The following PRRG2 variants were observed in gnomAD, a reference collection of about 807,000 sequenced individuals.
The protein encoded by PRRG2 is transmembrane gamma-carboxyglutamic acid protein 2.
PRRG2 carries 23 observed loss-of-function variants against 27.1 expected under a neutral mutation model. That is an observed-to-expected ratio of 0.85 (90% CI 0.61 to 1.20). The LOEUF (loss-of-function observed/expected upper bound fraction) is 1.20, where lower values mean the gene tolerates loss of function less well. PRRG2 is among the 50% of genes most tolerant of loss of function. The pLI is 0.00. For missense variants in PRRG2, 276 were observed against 254.8 expected (o/e 1.08, Z -0.57); for synonymous variants, 104 against 103.4 (o/e 1.01, Z -0.03).
chr19:49,590,334 A>C, intron 6 of PRRG2, 37 bp from the exon 7 acceptor site: 1 of 1,614,028 alleles, frequency 6.2e-7, no homozygotes, highest in African/African-American at 1.3e-5. Flanking sequence ...AAAAACAGCC[A>C]GATCTTTGAC....
chr19:49,582,472 G>A (rs1716479310), intron 1 of PRRG2, among the ~76,000 whole-genome samples: 1 of 151,690 alleles, frequency 6.6e-6, no homozygotes, highest in Non-Finnish European at 1.5e-5. Context: ...AAAGTAAAAT[G>A]AGTTGAGGCC....
At chr19:49,588,848 C>T (rs552615538) in intron 5 of PRRG2, among the ~76,000 whole-genome samples, 3 of 152,262 alleles carry the variant, frequency 2.0e-5, no homozygotes, top group African/African-American at 4.8e-5. Flanking sequence ...GCAGTAGGAG[C>T]TCTGACCACT....
chr19:49,587,523 T>C (rs2080680436), intron 4 of PRRG2, among the ~76,000 whole-genome samples: 1 of 150,492 alleles, frequency 6.6e-6, no homozygotes, highest in Non-Finnish European at 1.5e-5. Flanking sequence ...TTCACTCTTG[T>C]TGCCCAGGCT....
rs140158228 is a variant in PRRG2 at position 49,584,947 on chromosome 19, C to T, written c.301+995C>T. On this transcript the variant is annotated intron_variant, in intron 4 of 6. Coordinates refer to ENST00000246794, the MANE Select transcript of PRRG2 (RefSeq NM_000951.3). ...GCTTGATTGCTGGGGACACAGCCCT[C>T]TAGCAACACGACCAAGGGAGGAAGC... 9.0e-3 allele frequency among the ~76,000 whole-genome samples: 1,376 copies of T among 152,278 alleles called. 19 individuals carry two copies. Among genetic ancestry groups the T allele is most frequent in the African/African-American group, 0.032 (1,318 of 41,566 alleles).
At position 49,584,006 on chromosome 19, in the gene PRRG2, C is replaced by T. The variant is rs943158715; in HGVS notation, c.301+54C>T. 6.0e-5 allele frequency: 92 copies of T among 1,538,802 alleles called. No homozygotes were observed. The South Asian group carries it at 1.1e-3, about 18-fold the overall frequency. ...CTGTGCAGCTAAGGTAGTCCCTTCC[C>T]AGCGAGGCCAAACCAACGTCCTCCA... On this transcript the variant is annotated intron_variant, in intron 4 of 6. Transcript: ENST00000246794.
chr19:49,583,851 G>A (rs2080648086), intron 3 of PRRG2, 62 bp from the exon 4 acceptor site: 1 of 1,605,374 alleles, frequency 6.2e-7, no homozygotes, highest in East Asian at 2.2e-5. Flanking sequence ...TAGTTTGGGG[G>A]TGTGAACCTC....
At chr19:49,586,656 T>C (rs548682661) in intron 4 of PRRG2, among the ~76,000 whole-genome samples, 44 of 152,144 alleles carry the variant, frequency 2.9e-4, no homozygotes, top group African/African-American at 8.7e-4. Context: ...ATCGAGATCA[T>C]CCTGGCCAAC....
rs768237460 is a variant in PRRG2 at position 49,590,403 on chromosome 19, AG to A, written c.*15del. On this transcript the variant is annotated 3_prime_UTR_variant, in exon 7 of 7. Transcript: ENST00000246794. ...AGGCCTCACTGAAGAGCTGCTTTCG[AG>A]ACCCGGCTCTCCGAACCGTGCCCCT... 1 of 1,614,070 alleles carries A rather than the reference AG, an allele frequency of 6.2e-7. No homozygotes were observed. The highest frequency in any genetic ancestry group is 1.7e-5 in the Admixed American group (1 of 60,000).
At position 49,588,504 on chromosome 19, in the gene PRRG2, A is replaced by G. The variant is rs1193593596; in HGVS notation, c.309A>G (p.Gly103=). Residue 103 remains glycine (G), a synonymous_variant, in exon 5 of 7, where the codon GGA becomes GGG. Coordinates refer to ENST00000246794, the MANE Select transcript of PRRG2 (RefSeq NM_000951.3). ...SYIYNGKGGR[G]RVDVASLAVG... is the part of the protein sequence containing the mutation. ...TTCCCTACTTTCCTGCAGGGCGTGG[A>G]CGAGTGGATGTGGCCAGCCTGGCTG... 6.3e-7 allele frequency: 1 copy of G among 1,591,262 alleles called. No individual in the cohort carries two copies. The highest frequency in any genetic ancestry group is 1.8e-5 in the Admixed American group (1 of 56,674).
rs1417312035 is a variant in PRRG2 at position 49,590,987 on chromosome 19, TAATGA to T, written c.*605_*609del. ...AAAGCAGAAATAATGCAAAAAATAA[TAATGA>T]AATGAACTGCGATCCCGGGCGCATC... is the stretch of plus-strand genomic sequence containing the variant. On this transcript the variant is annotated 3_prime_UTR_variant, in exon 7 of 7. Transcript: ENST00000246794. The T allele has an allele frequency of 1.3e-5, 2 of 152,588 alleles. No homozygotes were observed. The highest frequency in any genetic ancestry group is 1.9e-4 in the South Asian group (1 of 5,246). The allele number at this position is 152,588 out of a possible 1,614,324, so 9.5% of individuals were successfully genotyped here.
chr19:49,584,015 C>G, intron 4 of PRRG2, 63 bp downstream of exon 4: 1 of 1,489,662 alleles, frequency 6.7e-7, no homozygotes, highest in Non-Finnish European at 9.1e-7. Context: ...CCAGCGAGGC[C>G]AAACCAACGT....
At chr19:49,587,281 T>C (rs1306305384) in intron 4 of PRRG2, among the ~76,000 whole-genome samples, 1 of 149,874 alleles carries the variant, frequency 6.7e-6, no homozygotes, top group South Asian at 2.1e-4. Flanking sequence ...CTAGCTACAA[T>C]GAATAATTTT....
chr19:49,583,758 TCTC>T (rs2080647389), intron 3 of PRRG2, 41 bp downstream of exon 3: 1 of 1,611,944 alleles, frequency 6.2e-7, no homozygotes, highest in Non-Finnish European at 8.5e-7. Context: ...CCCTCTCTCT[TCTC>T]TATACCTGTG....
rs1054075702 is a variant in PRRG2, at chr19:49,590,681, T to C, written c.*292T>C. On this transcript the variant is annotated 3_prime_UTR_variant, in exon 7 of 7. Transcript: ENST00000246794. ...GTGGTAGGCAGACGCGCGGGGAAAT[T>C]CGGACCCAGGAGCCCAGCCCCGGCT... 11 of 504,226 alleles carry C rather than the reference T, an allele frequency of 2.2e-5. No homozygotes were observed. The highest frequency in any genetic ancestry group is 1.9e-4 in the African/African-American group (10 of 51,352). 31.2% of individuals were successfully genotyped at this position (504,226 alleles called of 1,614,324 possible).
At position 49,590,043 on chromosome 19, in the gene PRRG2, C is replaced by G. The variant is rs372675632; in HGVS notation, c.581C>G (p.Pro194Arg). The G allele has an allele frequency of 6.1e-4, 935 of 1,521,388 alleles. 7 individuals carry two copies. The highest frequency in any genetic ancestry group is 6.1e-3 in the Middle Eastern group (26 of 4,278). 94.2% of individuals were successfully genotyped at this position (1,521,388 alleles called of 1,614,324 possible). A position where few individuals can be genotyped will look rare whatever the true frequency, so the allele number is the denominator to read the frequency against. ...GGGGTACACGACGCACCTCCACCCC[C>G]CTACACCAGGTATGGGGCGTGGCTT... ...ASGVHDAPPP[P>R]YTSLRRPH Residue 194 changes from proline to arginine, a missense_variant, in exon 6 of 7, where the codon CCC becomes CGC. Coordinates refer to ENST00000246794, the MANE Select transcript of PRRG2 (RefSeq NM_000951.3).
chr19:49,588,372 C>T (rs2080687840), intron 4 of PRRG2, 125 bp from the exon 5 acceptor site: 1 of 1,351,870 alleles, frequency 7.4e-7, no homozygotes. Flanking sequence ...GGTCACAGGG[C>T]TAGGAAGGGA....
intron 1 of PRRG2, among the ~76,000 whole-genome samples, chr19:49,583,002 G>A (rs1457485737): frequency 6.6e-6 from 1 of 151,798 alleles, no homozygotes; most frequent in African/African-American, 2.4e-5. Context: ...CTGCACTCCA[G>A]CCTGGCTGAC....
At chr19:49,585,338 G>A (rs903932819) in intron 4 of PRRG2, among the ~76,000 whole-genome samples, 2 of 152,180 alleles carry the variant, frequency 1.3e-5, no homozygotes, top group Non-Finnish European at 2.9e-5. Flanking sequence ...CCTAGGTCTG[G>A]GCTGGAGTCT....
chr19:49,589,859 C>G (rs199753484), intron 5 of PRRG2, 41 bp from the exon 6 acceptor site: 62 of 1,606,100 alleles, frequency 3.9e-5, no homozygotes, highest in Non-Finnish European at 4.9e-5. Flanking sequence ...TCTAGGTATC[C>G]TGTAAGTTGC....
Sources: gnomAD v4.1 joint callset for allele counts (sites outside exome capture counted in the v4.1 genomes callset) on GRCh38, gnomAD v4.1.1 for gene constraint, MANE v1.5 for transcripts, NCBI Gene and HGNC (gene_info 2026-07-23, HGNC 2026-07-21) for gene names.